Variants in NDUFS4 observed in about 807,000 individuals in gnomAD.
The protein encoded by NDUFS4 is NADH dehydrogenase [ubiquinone] iron-sulfur protein 4, mitochondrial.
Under a neutral mutation model 24.3 loss-of-function variants are expected in NDUFS4, and 28 were observed. The ratio of observed to expected loss-of-function variants is 1.15; its 90% CI spans 0.85 to 1.58. The LOEUF is 1.58. NDUFS4 is among the 40% of genes most tolerant of loss of function. The pLI is 0.00. For synonymous variants in NDUFS4, 93 were observed against 69.7 expected (o/e 1.34, Z -1.67); for missense variants, 223 against 207.9 (o/e 1.07, Z -0.45).
At chr5:53,609,963 G>T (rs770676363) in intron 2 of NDUFS4, among the ~76,000 whole-genome samples, 83 of 152,298 alleles carry the variant, frequency 5.4e-4, no homozygotes, top group African/African-American at 2.0e-3. Context: ...ACTTTCTCCA[G>T]TTAGCAATAA....
At chr5:53,636,002 A>G (rs1751541207) in intron 2 of NDUFS4, among the ~76,000 whole-genome samples, 2 of 152,240 alleles carry the variant, frequency 1.3e-5, no homozygotes, top group African/African-American at 2.4e-5. Flanking sequence ...TGACACTGCT[A>G]TAACAAAAGA....
chr5:53,604,367 G>C (rs927491298), intron 2 of NDUFS4, among the ~76,000 whole-genome samples: 2 of 152,118 alleles, frequency 1.3e-5, no homozygotes, highest in African/African-American at 4.8e-5. Flanking sequence ...CACCATTAAA[G>C]ATACAGACAA....
intron 4 of NDUFS4, among the ~76,000 whole-genome samples, chr5:53,677,438 C>T (rs1044143963): frequency 2.0e-5 from 3 of 152,042 alleles, no homozygotes; most frequent in Non-Finnish European, 4.4e-5. Flanking sequence ...TATCCGAAAC[C>T]TCTGTTATTT....
intron 3 of NDUFS4, among the ~76,000 whole-genome samples, chr5:53,647,295 C>T (rs377042907): frequency 6.6e-6 from 1 of 151,992 alleles, no homozygotes; most frequent in Non-Finnish European, 1.5e-5. Context: ...TCACTGCAGC[C>T]CTGAACTCTG....
At chr5:53,606,639 A>ACAGGCATG (rs1750520619) in intron 2 of NDUFS4, among the ~76,000 whole-genome samples, 1 of 152,232 alleles carries the variant, frequency 6.6e-6, no homozygotes, top group African/African-American at 2.4e-5. Context: ...TGCTGGGATT[A>ACAGGCATG]CAGGCATGAG....
At chr5:53,589,714 G>A (rs1045725291) in intron 1 of NDUFS4, among the ~76,000 whole-genome samples, 2 of 152,176 alleles carry the variant, frequency 1.3e-5, no homozygotes, top group Admixed American at 1.3e-4. Context: ...AGTGGGCTGG[G>A]AAAGGCAGAC....
intron 1 of NDUFS4, among the ~76,000 whole-genome samples, chr5:53,587,021 A>G (rs918094575): frequency 1.3e-5 from 2 of 151,718 alleles, no homozygotes; most frequent in Non-Finnish European, 2.9e-5. Context: ...ACGGGGTTTC[A>G]CCATGTTGGC....
At chr5:53,644,940 G>C (rs1370130092) in intron 2 of NDUFS4, among the ~76,000 whole-genome samples, 1 of 152,004 alleles carries the variant, frequency 6.6e-6, no homozygotes, top group Non-Finnish European at 1.5e-5. Context: ...AATGTGTTTC[G>C]TGTTTTTCCC....
chr5:53,578,651 G>A (rs1007195380), intron 1 of NDUFS4, among the ~76,000 whole-genome samples: 10 of 152,112 alleles, frequency 6.6e-5, no homozygotes, highest in African/African-American at 2.4e-4. Context: ...TATATAAAAT[G>A]CATAGTACAG....
chr5:53,682,314 T>C (rs1470604474), intron 4 of NDUFS4, among the ~76,000 whole-genome samples: 2 of 152,068 alleles, frequency 1.3e-5, no homozygotes, highest in Non-Finnish European at 2.9e-5. Flanking sequence ...CTGAAATGGC[T>C]TTGGAAGGAA....
chr5:53,600,155 A>C (rs1380697439), intron 1 of NDUFS4, among the ~76,000 whole-genome samples: 1 of 151,812 alleles, frequency 6.6e-6, no homozygotes, highest in Non-Finnish European at 1.5e-5. Context: ...ATGCACCACC[A>C]CGCCCAGCTA....
chr5:53,631,792 T>C (rs1450737526), intron 2 of NDUFS4, among the ~76,000 whole-genome samples: 1 of 152,192 alleles, frequency 6.6e-6, no homozygotes, highest in African/African-American at 2.4e-5. Flanking sequence ...TTCAAGCCAA[T>C]GGATCTTAGC....
chr5:53,668,631 T>TG (rs1268578453), intron 4 of NDUFS4, among the ~76,000 whole-genome samples: 1 of 151,188 alleles, frequency 6.6e-6, no homozygotes, highest in African/African-American at 2.4e-5. Context: ...TTTTTTTTTT[T>TG]TTTTTTTAAA....
At chr5:53,586,640 A>T (rs6859821) in intron 1 of NDUFS4, among the ~76,000 whole-genome samples, 1,763 of 152,184 alleles carry the variant, frequency 0.012, 30 homozygotes, top group African/African-American at 0.041. Context: ...CTCCTGTCTC[A>T]GCCTCTTGAG....
At chr5:53,627,217 T>C (rs1418688472) in intron 2 of NDUFS4, among the ~76,000 whole-genome samples, 1 of 152,170 alleles carries the variant, frequency 6.6e-6, no homozygotes, top group African/African-American at 2.4e-5. Context: ...TTCTGAGGCC[T>C]CTGTTCTGTT....
intron 4 of NDUFS4, among the ~76,000 whole-genome samples, chr5:53,670,451 C>A (rs995817806): frequency 6.6e-6 from 1 of 151,798 alleles, no homozygotes; most frequent in Non-Finnish European, 1.5e-5. Context: ...AAAAGTATCT[C>A]AATTTTTATT....
intron 1 of NDUFS4, among the ~76,000 whole-genome samples, chr5:53,580,678 T>C (rs1005012403): frequency 4.6e-5 from 7 of 151,860 alleles, no homozygotes; most frequent in African/African-American, 1.7e-4. Flanking sequence ...TTTCTTTCTT[T>C]CTCTTTCGTC....
chr5:53,603,846 T>A lies in NDUFS4; in HGVS notation c.177+316T>A, dbSNP rs1420041387. Among the ~76,000 whole-genome samples, 4 of 152,168 alleles carry A rather than the reference T, an allele frequency of 2.6e-5. No homozygotes were observed. The East Asian group carries it at 7.7e-4, about 29-fold the overall frequency. ...TTGCTTTTTATTTTCTCAGTTACAC[T>A]CCTATTTAAGTTGTGAGATACTTGC... On this transcript the variant is annotated intron_variant, in intron 2 of 4. Transcript: ENST00000296684.
At chr5:53,621,391 G>C (rs983961304) in intron 2 of NDUFS4, among the ~76,000 whole-genome samples, 1 of 151,778 alleles carries the variant, frequency 6.6e-6, no homozygotes, top group African/African-American at 2.4e-5. Context: ...TTTTAATTTT[G>C]TGTTTAAAAA....
Sources: gnomAD v4.1 joint callset for allele counts (sites outside exome capture counted in the v4.1 genomes callset) on GRCh38, gnomAD v4.1.1 for gene constraint, MANE v1.5 for transcripts, NCBI Gene and HGNC (gene_info 2026-07-23, HGNC 2026-07-21) for gene names.